Variants in DSCAML1 observed in about 807,000 individuals in gnomAD.
The protein encoded by DSCAML1 is cell adhesion molecule DSCAML1.
In DSCAML1, 38 loss-of-function variants were observed where a neutral mutation model predicts 200.5. The ratio of observed to expected loss-of-function variants is 0.19; its 90% CI spans 0.15 to 0.25. The LOEUF (loss-of-function observed/expected upper bound fraction) is 0.25. DSCAML1 is among the 10% of genes least tolerant of loss of function. The pLI is 1.00. For synonymous variants in DSCAML1, 1,215 were observed against 1,165.0 expected, an observed-to-expected ratio of 1.04 and a Z score of -0.87; for missense variants, 2,223 against 2,858.8, an observed-to-expected ratio of 0.78 and a Z score of 5.07.
intron 1 of DSCAML1, among the ~76,000 whole-genome samples, chr11:117,782,327 G>A (rs1010582120): frequency 1.3e-5 from 2 of 152,338 alleles, no homozygotes; most frequent in Admixed American, 6.5e-5. Context: ...ATTAGCAGAC[G>A]TGCTGGAAAA....
intron 3 of DSCAML1, among the ~76,000 whole-genome samples, chr11:117,577,441 CTTCCTTCCTTCCT>C (rs1565801448): frequency 1.1e-5 from 1 of 95,114 alleles, no homozygotes; most frequent in Non-Finnish European, 2.2e-5. Flanking sequence ...TCCTTCTTTC[CTTCCTTCCTTCCT>C]TCCTTTCCTT....
chr11:117,793,206 G>A (rs1010206944), intron 1 of DSCAML1, among the ~76,000 whole-genome samples: 9 of 152,118 alleles, frequency 5.9e-5, no homozygotes, highest in African/African-American at 1.2e-4. Context: ...CCCTGCCATC[G>A]CTGCTGCCTG....
At chr11:117,584,339 T>A (rs2051103187) in intron 3 of DSCAML1, among the ~76,000 whole-genome samples, 1 of 152,256 alleles carries the variant, frequency 6.6e-6, no homozygotes, top group Admixed American at 6.5e-5. Flanking sequence ...ATACAGTCCT[T>A]CCTATCAGCT....
Position 117,465,190 on chromosome 11 carries a change from C to A in DSCAML1, c.3025-8G>T. 1 of 1,604,868 alleles carries A rather than the reference C, an allele frequency of 6.2e-7. No homozygotes were observed. The highest frequency in any genetic ancestry group is 8.5e-7 in the Non-Finnish European group (1 of 1,172,532). ...CAGCTCCTTCTTGGGTGCCTGTGAG[C>A]ATGGGGTGGGGGTGGGCACAAAGAA... is the stretch of plus-strand genomic sequence containing the variant. On this transcript the variant is annotated splice_polypyrimidine_tract_variant and splice_region_variant and intron_variant, in intron 16 of 32. Coordinates refer to ENST00000651296, the MANE Select transcript of DSCAML1 (RefSeq NM_020693.4).
chr11:117,480,477 G>A lies in DSCAML1; in HGVS notation c.2751C>T (p.Ile917=). 1 of 1,613,554 alleles carries A rather than the reference G, an allele frequency of 6.2e-7. No individual in the cohort carries two copies. Among genetic ancestry groups the A allele is most frequent in the South Asian group, 1.1e-5 (1 of 90,832 alleles). ...TCTTGTATTCAATGTCGAAGCCCGTGATGATGCTGTTCCCGTCGAATCGCT... is the reference window on the plus strand; with the variant it reads ...TCTTGTATTCAATGTCGAAGCCCGTAATGATGCTGTTCCCGTCGAATCGCT... ...WTQRFDGNSI[I]TGFDIEYKNK... The change falls in exon 14 of 33, where the codon ATC becomes ATT. Residue 917 remains isoleucine, a synonymous_variant. Coordinates refer to ENST00000651296, the MANE Select transcript of DSCAML1 (RefSeq NM_020693.4). This position sits in a 1 kb window ranked among gnomAD's most constrained non-coding sequence, Gnocchi z 4.1.
intron 3 of DSCAML1, among the ~76,000 whole-genome samples, chr11:117,589,275 C>T (rs542940953): frequency 2.4e-4 from 36 of 152,316 alleles, no homozygotes; most frequent in African/African-American, 7.2e-4. Flanking sequence ...CTGCTAGACC[C>T]GGTTGGATTC....
Position 117,431,527 on chromosome 11 carries a change from G to C in DSCAML1, c.5374+7C>G. 1 of 1,555,558 alleles carries C rather than the reference G, an allele frequency of 6.4e-7. No individual in the cohort carries two copies. Among genetic ancestry groups the C allele is most frequent in the Non-Finnish European group, 8.7e-7 (1 of 1,147,396 alleles). The stretch of plus-strand genomic sequence containing the variant: ...TGTTCAGGATGCCAGCAGGGCCTTA[G>C]GCACACCTGTGTCCTGGGACAGGCT... On this transcript the variant is annotated splice_region_variant and intron_variant, in intron 31 of 32. Coordinates refer to ENST00000651296, the MANE Select transcript of DSCAML1 (RefSeq NM_020693.4).
At chr11:117,486,414 C>A (rs1438518291) in intron 11 of DSCAML1, among the ~76,000 whole-genome samples, 1 of 148,786 alleles carries the variant, frequency 6.7e-6, no homozygotes, top group Non-Finnish European at 1.5e-5. Context: ...GGGAAAGTGG[C>A]GGATGTGAAA....
intron 3 of DSCAML1, among the ~76,000 whole-genome samples, chr11:117,732,399 C>T (rs1212743152): frequency 6.6e-6 from 1 of 152,158 alleles, no homozygotes; most frequent in East Asian, 1.9e-4. Flanking sequence ...ATTTCACACA[C>T]CGAGTCTTCT....
chr11:117,816,837 C>T (rs2055814249), intron 1 of DSCAML1, among the ~76,000 whole-genome samples: 1 of 150,974 alleles, frequency 6.6e-6, no homozygotes, highest in Non-Finnish European at 1.5e-5. Flanking sequence ...TGCCCCAAAG[C>T]ATTTAGAAAA....
At chr11:117,637,913 C>G (rs1197243946) in intron 3 of DSCAML1, among the ~76,000 whole-genome samples, 1 of 152,220 alleles carries the variant, frequency 6.6e-6, no homozygotes, top group Non-Finnish European at 1.5e-5. Context: ...GATTCTGTTT[C>G]AGGTTCCCTC....
chr11:117,729,884 A>C (rs1038619381), intron 3 of DSCAML1, among the ~76,000 whole-genome samples: 7 of 152,212 alleles, frequency 4.6e-5, no homozygotes, highest in African/African-American at 1.4e-4. Flanking sequence ...AGTGGGCCCA[A>C]TGTAATTGCA....
chr11:117,545,585 G>C (rs999735161), intron 3 of DSCAML1, among the ~76,000 whole-genome samples: 2 of 152,154 alleles, frequency 1.3e-5, no homozygotes, highest in African/African-American at 4.8e-5. Context: ...AAGGCAGAGG[G>C]GAGCCAATTC....
chr11:117,714,713 AG>A (rs1171375857), intron 3 of DSCAML1, among the ~76,000 whole-genome samples: 1 of 150,624 alleles, frequency 6.6e-6, no homozygotes, highest in Admixed American at 6.6e-5. Flanking sequence ...GGTACTCGGG[AG>A]GCTAGGCTGA....
chr11:117,575,276 G>GA (rs1316823187), intron 3 of DSCAML1, among the ~76,000 whole-genome samples: 1 of 152,186 alleles, frequency 6.6e-6, no homozygotes, highest in Admixed American at 6.5e-5. Context: ...TCTGTTGGTA[G>GA]AAACCAGAGC....
At chr11:117,796,981 G>T (rs922797280) in intron 1 of DSCAML1, 53 bp downstream of exon 1, 2 of 1,247,156 alleles carry the variant, frequency 1.6e-6, no homozygotes, top group Non-Finnish European at 1.0e-6. Context: ...GCCGCCAGCC[G>T]CGCCACCCTG....
Position 117,503,118 on chromosome 11 carries a change from G to A in DSCAML1, c.2359+727C>T, listed in dbSNP as rs1194713606. On this transcript the variant is annotated intron_variant, in intron 11 of 32. Transcript: ENST00000651296. The surrounding 1 kb of genome is among the most constrained non-coding windows in gnomAD (Gnocchi z 5.2). ...CTGTATGAGACTTAAGAAAATCCTG[G>A]GATAGCAAATAGGCAGTGTGCTTCT... 6.6e-6 allele frequency among the ~76,000 whole-genome samples: 1 copy of A among 152,190 alleles called. No homozygotes were observed. The highest frequency in any genetic ancestry group is 1.5e-5 in the Non-Finnish European group (1 of 68,026).
chr11:117,450,737 C>T, intron 19 of DSCAML1, 49 bp from the exon 20 acceptor site: 1 of 1,586,202 alleles, frequency 6.3e-7, no homozygotes. Context: ...GGAGCACAGC[C>T]TTTGGGGAAA....
At chr11:117,611,874 C>T (rs1346616441) in intron 3 of DSCAML1, 1 of 152,212 alleles carries the variant, frequency 6.6e-6, no homozygotes, top group Admixed American at 6.5e-5. Flanking sequence ...CTATCCAGCT[C>T]TCTAAGTCGA....
Sources: gnomAD v4.1 joint callset for allele counts (sites outside exome capture counted in the v4.1 genomes callset) on GRCh38, gnomAD v4.1.1 for gene constraint, Gnocchi (gnomAD v3.1) non-coding constraint, MANE v1.5 for transcripts, NCBI Gene and HGNC (gene_info 2026-07-23, HGNC 2026-07-21) for gene names.